Variants in ROBO4 observed in about 807,000 individuals in gnomAD.
ROBO4 encodes roundabout guidance receptor 4, also known as roundabout homolog 4.
A neutral mutation model predicts 103.3 loss-of-function variants in ROBO4; 80 were observed. The ratio of observed to expected loss-of-function variants is 0.77; its 90% CI spans 0.65 to 0.93. The LOEUF (loss-of-function observed/expected upper bound fraction) is 0.93, where lower values mean the gene tolerates loss of function less well. Ranked by LOEUF, ROBO4 falls within the 40% of genes least tolerant of loss-of-function variation. ROBO4 has a pLI of 0.00. For missense variants in ROBO4, 1,333 were observed against 1,305.3 expected (o/e 1.02, Z -0.33); for synonymous variants, 504 against 529.7 (o/e 0.95, Z 0.67).
In ROBO4 at chr11:124,896,228, C is replaced by G; in HGVS notation, c.649G>C (p.Glu217Gln). The G allele has an allele frequency of 6.2e-7, 1 of 1,614,146 alleles. No homozygotes were observed. Among genetic ancestry groups the G allele is most frequent in the Non-Finnish European group, 8.5e-7 (1 of 1,180,026 alleles). ...CVATNSAGHR[E>Q]SRAARVSIQE... ...ATGGAAACCCGGGCTGCGCGGCTCT[C>G]CCTATGTCCTGCGCTGTTGGTGGCC... The change falls in exon 4 of 18, where the codon GAG (glutamate) becomes CAG (glutamine). Residue 217 changes from glutamate to glutamine, a missense_variant. Glu to Gln is a conservative substitution (Grantham distance 29). Transcript: ENST00000306534.
At chr11:124,886,378 A>G (rs1210862261) in intron 16 of ROBO4, 86 bp downstream of exon 16, 2 of 1,002,632 alleles carry the variant, frequency 2.0e-6, no homozygotes, top group African/African-American at 3.2e-5. Flanking sequence ...CAATAAAACT[A>G]GTTGTTTTAA....
chr11:124,890,315 T>C (rs1388210183), intron 12 of ROBO4, among the ~76,000 whole-genome samples: 1 of 151,830 alleles, frequency 6.6e-6, no homozygotes, highest in Non-Finnish European at 1.5e-5. Flanking sequence ...AAAAGTTGGA[T>C]TAAATCCACT....
rs1946671680 is a variant in ROBO4 at position 124,883,931 on chromosome 11, C to T, written c.*960G>A. 1 of 152,138 alleles carries T rather than the reference C, an allele frequency of 6.6e-6. No individual in the cohort carries two copies. The highest frequency in any genetic ancestry group is 1.9e-4 in the East Asian group (1 of 5,178). The allele number at this position is 152,138 out of a possible 1,614,324, so 9.4% of individuals were successfully genotyped here. A position where few individuals can be genotyped will look rare whatever the true frequency, so the allele number is the denominator to read the frequency against. ...AATCACCCTTCCCCATGCCTTAGACCATCCCACTTCCCTCAGCCATAAATA... is the reference window on the plus strand; with the variant it reads ...AATCACCCTTCCCCATGCCTTAGACTATCCCACTTCCCTCAGCCATAAATA... On this transcript the variant is annotated 3_prime_UTR_variant, in exon 18 of 18. Transcript: ENST00000306534.
Position 124,897,119 on chromosome 11 carries a change from G to A in ROBO4, c.213C>T (p.Pro71=), listed in dbSNP as rs767469251. ...GTGGGTCTGGGGGCACCATGCTCAG[G>A]GGCTGCCCATTCAGCAACCAGCGGA... is the stretch of plus-strand genomic sequence containing the variant. ...PTIRWLLNGQ[P]LSMVPPDPHH... Residue 71 remains proline, a synonymous_variant, in exon 2 of 18, where the codon CCC becomes CCT. Coordinates refer to ENST00000306534, the MANE Select transcript of ROBO4 (RefSeq NM_019055.6). The A allele has an allele frequency of 2.5e-6, 4 of 1,581,828 alleles. No individual in the cohort carries two copies. The East Asian group carries it at 6.8e-5, about 27-fold the overall frequency.
At position 124,884,744 on chromosome 11, in the gene ROBO4, G is replaced by T; in HGVS notation, c.*147C>A. ...TTTGTTTTCATTTGTTTTCACAATC[G>T]TGGAGGGAGAACTCTCTGGAGGCTT... On this transcript the variant is annotated 3_prime_UTR_variant, in exon 18 of 18. Coordinates refer to ENST00000306534, the MANE Select transcript of ROBO4 (RefSeq NM_019055.6). 1.1e-6 allele frequency: 1 copy of T among 899,948 alleles called. No homozygotes were observed. The highest frequency in any genetic ancestry group is 1.8e-6 in the Non-Finnish European group (1 of 553,690). The allele number at this position is 899,948 out of a possible 1,614,324, so 55.7% of individuals were successfully genotyped here. A position where few individuals can be genotyped will look rare whatever the true frequency, so the allele number is the denominator to read the frequency against.
At position 124,884,709 on chromosome 11, in the gene ROBO4, T is replaced by G. The variant is rs1682295996; in HGVS notation, c.*182A>C. On this transcript the variant is annotated 3_prime_UTR_variant, in exon 18 of 18. Transcript: ENST00000306534. ...GCTCCCTGAGGGCTCCAGGTCAGCT[T>G]TGCTCTAATTTTGTTTTCATTTGTT... 4 of 690,720 alleles carry G rather than the reference T, an allele frequency of 5.8e-6. No individual in the cohort carries two copies. In the South Asian group the frequency reaches 7.3e-5, roughly 13 times the overall value. 42.8% of individuals were successfully genotyped at this position (690,720 alleles called of 1,614,324 possible). A position where few individuals can be genotyped will look rare whatever the true frequency, so the allele number is the denominator to read the frequency against.
Position 124,887,845 on chromosome 11 carries a change from A to G in ROBO4, c.1949-5T>C, listed in dbSNP as rs1259725146. ...AACTGTTGGCATGCTGCAGCTCTGC[A>G]AAGAAAGGGTTGGTGGTTGTGGGGC... On this transcript the variant is annotated splice_region_variant and splice_polypyrimidine_tract_variant and intron_variant, in intron 12 of 17. Transcript: ENST00000306534. The G allele has an allele frequency of 6.2e-7, 1 of 1,611,004 alleles. No homozygotes were observed. Among genetic ancestry groups the G allele is most frequent in the East Asian group, 2.2e-5 (1 of 44,884 alleles).
rs1226156839 is a variant in ROBO4 at position 124,897,065 on chromosome 11, C to T, written c.267G>A (p.Leu89=). ...GTCCCCGGGCAGGGGGCTGTAGCAG[C>T]AGAAGGGTCCCATCAGGCAGGAGGT... ...PHHLLPDGTL[L]LLQPPARGHA... is the part of the protein sequence containing the mutation. Residue 89 remains leucine, a synonymous_variant, in exon 2 of 18, where the codon CTG becomes CTA. Transcript: ENST00000306534. 5 of 1,612,688 alleles carry T rather than the reference C, an allele frequency of 3.1e-6. No individual in the cohort carries two copies. The highest frequency in any genetic ancestry group is 2.2e-5 in the East Asian group (1 of 44,866).
chr11:124,893,616 ATTC>A (rs1946832183), intron 10 of ROBO4, 69 bp downstream of exon 10: 2 of 1,403,602 alleles, frequency 1.4e-6, no homozygotes, highest in Middle Eastern at 1.8e-4. Context: ...CTAGTACTCC[ATTC>A]TTCTCTGTTG....
chr11:124,885,212 A>G lies in ROBO4; in HGVS notation c.2830T>C (p.Phe944Leu). The G allele has an allele frequency of 6.2e-7, 1 of 1,613,432 alleles. No individual in the cohort carries two copies. Residue 944 changes from phenylalanine (F) to leucine (L), a missense_variant, in exon 17 of 18, where the codon TTC becomes CTC. By Grantham distance (22) the Phe-to-Leu change is conservative. Coordinates refer to ENST00000306534, the MANE Select transcript of ROBO4 (RefSeq NM_019055.6). Reference protein sequence around the residue: ...SSPPSPRDEIFLTPNLSLPLW... With the variant: ...SSPPSPRDEILLTPNLSLPLW... ...GGCAGGGAGAGGTTGGGGGTCAGGA[A>G]GATCTCATCCCGTGGGGAGGGAGGT... is the stretch of plus-strand genomic sequence containing the variant.
chr11:124,897,449 C>A, intron 1 of ROBO4, 188 bp from the exon 2 acceptor site: 1 of 584,218 alleles, frequency 1.7e-6, no homozygotes. Flanking sequence ...GCATCCAGGC[C>A]AGGGCTTGCA....
At chr11:124,886,168 A>G (rs1162495159) in intron 16 of ROBO4, among the ~76,000 whole-genome samples, 1 of 152,216 alleles carries the variant, frequency 6.6e-6, no homozygotes, top group African/African-American at 2.4e-5. Flanking sequence ...GGGCAAACAA[A>G]CAAAACAAAA....
chr11:124,888,238 T>C (rs954676442), intron 12 of ROBO4, among the ~76,000 whole-genome samples: 4 of 152,274 alleles, frequency 2.6e-5, no homozygotes, highest in Admixed American at 6.5e-5. Context: ...CCAATCTTCC[T>C]GATCTCTATA....
rs538269826 is a variant in ROBO4 at position 124,884,695 on chromosome 11, G to A, written c.*196C>T. The A allele has an allele frequency of 6.6e-5, 42 of 639,932 alleles. 1 individual carries two copies. In the East Asian group the frequency reaches 1.1e-3, roughly 17 times the overall value. The allele number at this position is 639,932 out of a possible 1,614,324, so 39.6% of individuals were successfully genotyped here. A position where few individuals can be genotyped will look rare whatever the true frequency, so the allele number is the denominator to read the frequency against. ...GGAGATGATGTTTTGCTCCCTGAGG[G>A]CTCCAGGTCAGCTTTGCTCTAATTT... On this transcript the variant is annotated 3_prime_UTR_variant, in exon 18 of 18. Coordinates refer to ENST00000306534, the MANE Select transcript of ROBO4 (RefSeq NM_019055.6).
In ROBO4 at chr11:124,887,142, C is replaced by T. The variant is rs375646705; in HGVS notation, c.2270G>A (p.Cys757Tyr). 11 of 1,611,994 alleles carry T rather than the reference C, an allele frequency of 6.8e-6. No homozygotes were observed. The highest frequency in any genetic ancestry group is 9.3e-6 in the Non-Finnish European group (11 of 1,178,966). Residue 757 changes from cysteine (C) to tyrosine (Y), a missense_variant, in exon 15 of 18, where the codon TGC becomes TAC. Coordinates refer to ENST00000306534, the MANE Select transcript of ROBO4 (RefSeq NM_019055.6). The stretch of plus-strand genomic sequence containing the variant: ...AGAGGCCTGGGGGCTAGGGGGACTG[C>T]AGGGGCTAAGGATGGGGATGGGGGC... ...PAAPIPILSP[C>Y]SPPSPQASSL...
intron 12 of ROBO4, among the ~76,000 whole-genome samples, chr11:124,889,255 C>T (rs983442050): frequency 1.3e-5 from 2 of 152,118 alleles, no homozygotes; most frequent in African/African-American, 4.8e-5. Context: ...GTTGGTGCAC[C>T]AACTCTGCTA....
intron 6 of ROBO4, 49 bp from the exon 7 acceptor site, chr11:124,895,242 T>G: frequency 6.9e-7 from 1 of 1,445,370 alleles, no homozygotes; most frequent in Non-Finnish European, 9.7e-7. Flanking sequence ...GAGAGGACTC[T>G]AGGGAAAGGA....
Position 124,891,345 on chromosome 11 carries a change from G to T in ROBO4, c.1902C>A (p.Arg634=). The T allele has an allele frequency of 6.5e-7, 1 of 1,534,458 alleles. No individual in the cohort carries two copies. Among genetic ancestry groups the T allele is most frequent in the Non-Finnish European group, 8.8e-7 (1 of 1,142,430 alleles). The part of the protein sequence containing the change: ...LCSRRGLSSP[R]LSLAPAEAWK... The stretch of plus-strand genomic sequence containing the variant: ...AAGCCTCTGCAGGGGCCAGAGACAA[G>T]CGGGGAGAAGAGAGTCCCCTGCGGC... Residue 634 remains arginine, a synonymous_variant, in exon 12 of 18, where the codon CGC becomes CGA. Coordinates refer to ENST00000306534, the MANE Select transcript of ROBO4 (RefSeq NM_019055.6).
rs148340324 is a variant in ROBO4, at chr11:124,891,909, G to C, written c.1548-107C>G. 5.2e-5 allele frequency: 67 copies of C among 1,293,978 alleles called. No homozygotes were observed. In the African/African-American group the frequency reaches 7.5e-4, roughly 14 times the overall value. 80.2% of individuals were successfully genotyped at this position (1,293,978 alleles called of 1,614,324 possible). Reference sequence around the variant, plus strand: ...GGCAGCAGAAGAGGGCAAGGAGATGGTGGCTTTATCCTTACTACTGCTTTT... The same window carrying C: ...GGCAGCAGAAGAGGGCAAGGAGATGCTGGCTTTATCCTTACTACTGCTTTT... On this transcript the variant is annotated intron_variant, in intron 10 of 17. Transcript: ENST00000306534.
Sources: gnomAD v4.1 joint callset for allele counts (sites outside exome capture counted in the v4.1 genomes callset) on GRCh38, gnomAD v4.1.1 for gene constraint, MANE v1.5 for transcripts, NCBI Gene and HGNC (gene_info 2026-07-23, HGNC 2026-07-21) for gene names.